APAF1: variants seen among roughly 807,000 people sequenced by gnomAD.
APAF1 encodes the protein apoptotic protease-activating factor 1.
Under a neutral mutation model 152.4 loss-of-function variants are expected in APAF1, and 91 were observed. The observed-to-expected ratio is 0.60, with a 90% confidence interval of 0.50 to 0.71. APAF1 has a LOEUF of 0.71. Ranked by LOEUF, APAF1 falls within the 30% of genes least tolerant of loss-of-function variation. The pLI, the probability that APAF1 is intolerant of heterozygous loss-of-function variation, is 0.00. For missense variants in APAF1, 1,283 were observed against 1,472.0 expected (o/e 0.87, Z 2.10); for synonymous variants, 484 against 494.1 (o/e 0.98, Z 0.27).
intron 22 of APAF1, among the ~76,000 whole-genome samples, chr12:98,715,942 A>C (rs1004872887): frequency 1.3e-5 from 2 of 152,366 alleles, no homozygotes; most frequent in Non-Finnish European, 2.9e-5. Context: ...TGTTTATTAC[A>C]GGAATGAAAT....
chr12:98,697,516 AC>A (rs1401618296), intron 16 of APAF1, among the ~76,000 whole-genome samples: 1 of 152,196 alleles, frequency 6.6e-6, no homozygotes, highest in Non-Finnish European at 1.5e-5. Flanking sequence ...AAACTCGGAC[AC>A]TTTTTAAAAA....
At chr12:98,723,170 A>T in intron 22 of APAF1, 23 bp from the exon 23 acceptor site, 1 of 1,611,590 alleles carries the variant, frequency 6.2e-7, no homozygotes, top group East Asian at 2.2e-5. Context: ...GGATTATAAC[A>T]GACTTATTTC....
chr12:98,663,369 A>T (rs984764897), intron 7 of APAF1, among the ~76,000 whole-genome samples: 1 of 152,312 alleles, frequency 6.6e-6, no homozygotes, highest in Admixed American at 6.5e-5. Flanking sequence ...ATTATTTCCC[A>T]GTAAAACAAT....
chr12:98,714,027 AT>A (rs2097731112), intron 21 of APAF1, among the ~76,000 whole-genome samples: 1 of 152,196 alleles, frequency 6.6e-6, no homozygotes, highest in Non-Finnish European at 1.5e-5. Context: ...CATCATGGAT[AT>A]GTATTTCTTA....
intron 3 of APAF1, 88 bp downstream of exon 3, chr12:98,648,903 T>A (rs1471551932): frequency 7.9e-7 from 1 of 1,265,188 alleles, no homozygotes; most frequent in East Asian, 2.3e-5. Flanking sequence ...GAAGAGAGTG[T>A]GACCAGTTCA....
chr12:98,732,325 G>T lies in APAF1; in HGVS notation c.3601-95G>T, dbSNP rs535169837. 1.3e-5 allele frequency: 14 copies of T among 1,100,826 alleles called. No homozygotes were observed. In the East Asian group the frequency reaches 2.4e-4, roughly 19 times the overall value. 68.2% of individuals were successfully genotyped at this position (1,100,826 alleles called of 1,614,324 possible). On this transcript the variant is annotated intron_variant, in intron 26 of 26. Transcript: ENST00000551964. ...TCCTCCTGTTTGCTTGAGTTCGGTT[G>T]GGGGGAGGAGATAGGGTAAAGGATC...
At chr12:98,693,281 A>G (rs1165450622) in intron 16 of APAF1, among the ~76,000 whole-genome samples, 1 of 152,022 alleles carries the variant, frequency 6.6e-6, no homozygotes, top group Non-Finnish European at 1.5e-5. Context: ...TTAAATAGAA[A>G]AAAGGTCTTA....
chr12:98,693,788 T>G (rs2097706866), intron 16 of APAF1, among the ~76,000 whole-genome samples: 1 of 149,160 alleles, frequency 6.7e-6, no homozygotes, highest in Non-Finnish European at 1.5e-5. Flanking sequence ...ACACTTGTTT[T>G]TCAGTTTTTT....
chr12:98,706,548 G>T lies in APAF1; in HGVS notation c.2659G>T (p.Gly887Cys). The change falls in exon 19 of 27, where the codon GGT (glycine) becomes TGT (cysteine). Residue 887 changes from glycine to cysteine, a missense_variant. Coordinates refer to ENST00000551964, the MANE Select transcript of APAF1 (RefSeq NM_181861.2). ...CAGAGGACATTTAAGTTGGGTTCAT[G>T]GTGTGATGTTTTCTCCTGATGGATC... ...DCRGHLSWVH[G>C]VMFSPDGSSF... The T allele has an allele frequency of 6.2e-7, 1 of 1,613,984 alleles. No homozygotes were observed. The highest frequency in any genetic ancestry group is 8.5e-7 in the Non-Finnish European group (1 of 1,179,888).
intron 20 of APAF1, among the ~76,000 whole-genome samples, chr12:98,710,126 G>A (rs1490940447): frequency 2.6e-5 from 4 of 151,220 alleles, no homozygotes; most frequent in African/African-American, 4.9e-5. Context: ...CACCCACCTC[G>A]GCCTCCCAAA....
At chr12:98,665,419 A>G in intron 7 of APAF1, 134 bp from the exon 8 acceptor site, 2 of 738,576 alleles carry the variant, frequency 2.7e-6, no homozygotes, top group Non-Finnish European at 2.4e-6. Flanking sequence ...AGTGAAGTCA[A>G]GAGTGATAAA....
In APAF1 at chr12:98,728,447, T is replaced by C. The variant is rs377007489; in HGVS notation, c.3600+1131T>C. Among the ~76,000 whole-genome samples the C allele has an allele frequency of 4.5e-4, 68 of 152,186 alleles. 1 individual carries two copies. The highest frequency in any genetic ancestry group is 1.6e-3 in the African/African-American group (65 of 41,532). On this transcript the variant is annotated intron_variant, in intron 26 of 26. Transcript: ENST00000551964. ...AAAGTTACATAATTAGTGCCGGGTG[T>C]GGTGACTCACACCTGTAATCCCAGC...
rs753712744 is a variant in APAF1, at chr12:98,677,507, G to A, written c.1876G>A (p.Asp626Asn). Reference protein sequence around the residue: ...DAVYHACFSEDGQRIASCGAD... With the variant: ...DAVYHACFSENGQRIASCGAD... ...TGTTTACCATGCCTGCTTTTCTGAG[G>A]ATGGTCAGAGAATAGCTTCTTGTGG... The change falls in exon 13 of 27, where the codon GAT becomes AAT. Residue 626 changes from aspartate (D) to asparagine (N), a missense_variant. Transcript: ENST00000551964. The A allele has an allele frequency of 6.2e-7, 1 of 1,614,132 alleles. No individual in the cohort carries two copies. Among genetic ancestry groups the A allele is most frequent in the Admixed American group, 1.7e-5 (1 of 60,016 alleles).
intron 14 of APAF1, 107 bp downstream of exon 14, chr12:98,680,509 T>G (rs2097691151): frequency 9.6e-7 from 1 of 1,043,484 alleles, no homozygotes; most frequent in African/African-American, 1.6e-5. Flanking sequence ...CACCTGTTGA[T>G]CTACTAACCT....
intron 16 of APAF1, among the ~76,000 whole-genome samples, chr12:98,696,657 TTTTG>T (rs905414046): frequency 1.3e-5 from 2 of 152,044 alleles, no homozygotes; most frequent in African/African-American, 2.4e-5. Flanking sequence ...GGAGTGATCT[TTTTG>T]TTTGTTTGTT....
intron 15 of APAF1, among the ~76,000 whole-genome samples, chr12:98,683,794 A>G (rs1287544009): frequency 6.6e-6 from 1 of 152,252 alleles, no homozygotes; most frequent in African/African-American, 2.4e-5. Flanking sequence ...GAAGTGGGAC[A>G]AATGAGTGAG....
intron 9 of APAF1, among the ~76,000 whole-genome samples, chr12:98,666,753 G>T (rs1350229289): frequency 6.6e-6 from 1 of 151,964 alleles, no homozygotes; most frequent in East Asian, 1.9e-4. Context: ...TTTGTGTGAT[G>T]TTTTTCCTGA....
chr12:98,701,787 T>C (rs2097715631), intron 17 of APAF1, among the ~76,000 whole-genome samples: 9 of 152,186 alleles, frequency 5.9e-5, no homozygotes, highest in Admixed American at 5.9e-4. Context: ...TCTTACCCTT[T>C]GGTCTCTCCT....
chr12:98,659,419 A>G lies in APAF1; in HGVS notation c.710+76A>G, dbSNP rs2097661911. On this transcript the variant is annotated intron_variant, in intron 5 of 26. Coordinates refer to ENST00000551964, the MANE Select transcript of APAF1 (RefSeq NM_181861.2). ...ATGTAACTACTGACCTCTTGAGAAC[A>G]TCATGCCTTTTTCCTGCTGTTCTAT... is the stretch of plus-strand genomic sequence containing the variant. 2.1e-6 allele frequency: 3 copies of G among 1,458,838 alleles called. No homozygotes were observed. The South Asian group carries it at 3.4e-5, about 17-fold the overall frequency. The allele number at this position is 1,458,838 out of a possible 1,614,324, so 90.4% of individuals were successfully genotyped here.
Sources: gnomAD v4.1 joint callset for allele counts (sites outside exome capture counted in the v4.1 genomes callset) on GRCh38, gnomAD v4.1.1 for gene constraint, MANE v1.5 for transcripts, NCBI Gene and HGNC (gene_info 2026-07-23, HGNC 2026-07-21) for gene names.